PXDNL: variants seen among roughly 807,000 people sequenced by gnomAD.
The protein encoded by PXDNL is peroxidasin like, also known as probable oxidoreductase PXDNL.
In PXDNL, 145 loss-of-function variants were observed where a neutral mutation model predicts 150.8. The observed-to-expected ratio is 0.96, with a 90% CI of 0.84 to 1.10. The LOEUF is 1.10. Among genes scored for constraint, PXDNL ranks in the 50% least tolerant of loss-of-function variants. The probability of loss-of-function intolerance (pLI) is 0.00; values close to 1 mark genes in which losing one functional copy is unlikely to be tolerated. For missense variants in PXDNL, 2,087 were observed against 1,873.9 expected (o/e 1.11, Z -2.10); for synonymous variants, 757 against 725.7 (o/e 1.04, Z -0.69).
intron 1 of PXDNL, among the ~76,000 whole-genome samples, chr8:51,683,829 G>A (rs11995501): frequency 0.035 from 5,274 of 152,228 alleles, 292 homozygotes; most frequent in African/African-American, 0.11. Flanking sequence ...CAGCTCCAGT[G>A]TAGCAAGGAG....
chr8:51,755,340 G>A (rs1585724893), intron 1 of PXDNL, among the ~76,000 whole-genome samples: 1 of 151,520 alleles, frequency 6.6e-6, no homozygotes, highest in Non-Finnish European at 1.5e-5. Context: ...TGTCGCCCAG[G>A]CTGGAGTGCA....
intron 1 of PXDNL, among the ~76,000 whole-genome samples, chr8:51,716,622 C>T (rs571388227): frequency 1.3e-5 from 2 of 152,304 alleles, no homozygotes; most frequent in East Asian, 1.9e-4. Flanking sequence ...GAGCTCCAAA[C>T]GTGTGCCATG....
chr8:51,574,432 C>T (rs1320661887), intron 3 of PXDNL, among the ~76,000 whole-genome samples: 4 of 150,646 alleles, frequency 2.7e-5, no homozygotes, highest in African/African-American at 4.9e-5. Flanking sequence ...GTGACCATAA[C>T]AAAATATCTG....
intron 1 of PXDNL, among the ~76,000 whole-genome samples, chr8:51,732,498 A>G (rs912970498): frequency 5.9e-5 from 9 of 152,148 alleles, no homozygotes; most frequent in African/African-American, 1.9e-4. Flanking sequence ...AACTGTTCCA[A>G]TCTCTGCCTG....
At chr8:51,499,143 T>C (rs1811123632) in intron 5 of PXDNL, among the ~76,000 whole-genome samples, 1 of 152,174 alleles carries the variant, frequency 6.6e-6, no homozygotes, top group South Asian at 2.1e-4. Context: ...TGTTTGTTTG[T>C]TTTTGAGATG....
intron 2 of PXDNL, among the ~76,000 whole-genome samples, chr8:51,604,262 A>G (rs1036371473): frequency 6.6e-6 from 1 of 152,330 alleles, no homozygotes; most frequent in South Asian, 2.1e-4. Context: ...ATGTCCAACA[A>G]CAATAGACTG....
intron 4 of PXDNL, among the ~76,000 whole-genome samples, chr8:51,507,356 A>G (rs1417172459): frequency 2.6e-5 from 4 of 152,170 alleles, no homozygotes; most frequent in Non-Finnish European, 5.9e-5. Flanking sequence ...GTGGGGAGAC[A>G]AATGTATGTG....
chr8:51,417,807 T>C (rs1434906739), intron 14 of PXDNL, among the ~76,000 whole-genome samples: 1 of 152,194 alleles, frequency 6.6e-6, no homozygotes, highest in African/African-American at 2.4e-5. Context: ...TATGAAATCA[T>C]TTTGTTTAAA....
intron 2 of PXDNL, among the ~76,000 whole-genome samples, chr8:51,644,318 T>TATA (rs1814852884): frequency 7.9e-5 from 5 of 63,270 alleles, no homozygotes; most frequent in Admixed American, 1.9e-4. Context: ...AGGCACATTT[T>TATA]TACATATATA....
chr8:51,534,315 C>T (rs1481000188), intron 4 of PXDNL, among the ~76,000 whole-genome samples: 1 of 146,264 alleles, frequency 6.8e-6, no homozygotes, highest in Non-Finnish European at 1.5e-5. Context: ...AAGTGAGGAG[C>T]GTCTACGCCC....
chr8:51,601,797 GT>G (rs71550273), intron 2 of PXDNL, among the ~76,000 whole-genome samples: 37 of 146,614 alleles, frequency 2.5e-4, no homozygotes, highest in Middle Eastern at 3.5e-3. Flanking sequence ...TCTATTGTGG[GT>G]TTTTTTTTTA....
At chr8:51,737,503 G>T (rs1281285221) in intron 1 of PXDNL, among the ~76,000 whole-genome samples, 1 of 152,198 alleles carries the variant, frequency 6.6e-6, no homozygotes, top group Non-Finnish European at 1.5e-5. Context: ...TGAGCACCCT[G>T]CTCCAGGCCC....
chr8:51,781,553 AC>A (rs1179628978), intron 1 of PXDNL, among the ~76,000 whole-genome samples: 2 of 152,094 alleles, frequency 1.3e-5, no homozygotes, highest in Non-Finnish European at 2.9e-5. Flanking sequence ...GATTCACTTT[AC>A]AATTTTTCTG....
intron 1 of PXDNL, among the ~76,000 whole-genome samples, chr8:51,786,711 A>G (rs2037463756): frequency 2.0e-5 from 3 of 152,244 alleles, no homozygotes. Flanking sequence ...GTTTTGATCT[A>G]GAAGCTGCAG....
chr8:51,350,368 T>TTC (rs1586023292), intron 19 of PXDNL, among the ~76,000 whole-genome samples: 1 of 145,424 alleles, frequency 6.9e-6, no homozygotes, highest in East Asian at 2.0e-4. Flanking sequence ...TTTTTTTTTT[T>TTC]TTTTTTTTGA....
chr8:51,492,457 C>A (rs1484468418), intron 5 of PXDNL, among the ~76,000 whole-genome samples: 1 of 152,138 alleles, frequency 6.6e-6, no homozygotes, highest in Non-Finnish European at 1.5e-5. Context: ...GTGCAGCACA[C>A]TGAGCATGAG....
chr8:51,760,924 T>C (rs1374354299), intron 1 of PXDNL, among the ~76,000 whole-genome samples: 3 of 132,594 alleles, frequency 2.3e-5, no homozygotes, highest in Non-Finnish European at 4.7e-5. Context: ...AGTGGCGCGA[T>C]CTCAGCTCAC....
intron 19 of PXDNL, among the ~76,000 whole-genome samples, chr8:51,361,469 T>A (rs1328458962): frequency 1.3e-5 from 2 of 152,174 alleles, no homozygotes; most frequent in Admixed American, 1.3e-4. Context: ...AGCCAAGATG[T>A]AAGGTAAAAA....
At chr8:51,607,872 G>GGAAGGAAGGAAGGAAGGAAGGAAA (rs1813872630) in intron 2 of PXDNL, among the ~76,000 whole-genome samples, 1 of 118,188 alleles carries the variant, frequency 8.5e-6, no homozygotes, top group Admixed American at 8.6e-5. Flanking sequence ...AAGGAAGGAA[G>GGAAGGAAGGAAGGAAGGAAGGAAA]GAAGGAAGGA....
Sources: allele counts gnomAD v4.1 joint callset (sites outside exome capture counted in the v4.1 genomes callset), GRCh38; gene constraint gnomAD v4.1.1; transcripts MANE v1.5; gene names NCBI Gene and HGNC (gene_info 2026-07-23, HGNC 2026-07-21).